Variants in STK33 observed in about 807,000 individuals in gnomAD.
The protein encoded by STK33 is serine/threonine-protein kinase 33.
In STK33, 52 loss-of-function variants were observed where a neutral mutation model predicts 58.0. That is an observed-to-expected ratio of 0.90 (90% confidence interval 0.72 to 1.13). STK33 has a LOEUF of 1.13. Among genes scored for constraint, STK33 ranks in the 50% most tolerant of loss-of-function variants. The pLI, the probability that STK33 is intolerant of heterozygous loss-of-function variation, is 0.00. For missense variants in STK33, 630 were observed against 604.2 expected, an observed-to-expected ratio of 1.04 and a Z score of -0.45; for synonymous variants, 215 against 200.1, an observed-to-expected ratio of 1.07 and a Z score of -0.63.
chr11:8,351,331 C>A, the STK33 span, among the ~76,000 whole-genome samples: 19 of 152,242 alleles, frequency 1.2e-4, no homozygotes, highest in African/African-American at 4.3e-4. Flanking sequence ...TGTCTCCCCA[C>A]CCTGCGAGCT....
chr11:8,491,581 G>A (rs1309398945), intron 1 of STK33, among the ~76,000 whole-genome samples: 4 of 152,146 alleles, frequency 2.6e-5, no homozygotes, highest in Non-Finnish European at 5.9e-5. Flanking sequence ...TCAAATTCAG[G>A]AAATACAGAG....
chr11:8,392,178 T>C lies in STK33; in HGVS notation c.*332A>G, dbSNP rs1241224043. ...CCCTATAAATAGCTGTGCCTAAACATAAGAATTTGAAGTAAAAATGAGCAA... is the reference window on the plus strand; with the variant it reads ...CCCTATAAATAGCTGTGCCTAAACACAAGAATTTGAAGTAAAAATGAGCAA... On this transcript the variant is annotated 3_prime_UTR_variant, in exon 16 of 16. Coordinates refer to ENST00000687296, the MANE Select transcript of STK33 (RefSeq NM_001352389.2). The C allele has an allele frequency of 1.7e-5, 5 of 288,158 alleles. No homozygotes were observed. Among genetic ancestry groups the C allele is most frequent in the African/African-American group, 8.7e-5 (4 of 46,118 alleles). The allele number at this position is 288,158 out of a possible 1,614,324, so 17.9% of individuals were successfully genotyped here. A position where few individuals can be genotyped will look rare whatever the true frequency, so the allele number is the denominator to read the frequency against.
intron 15 of STK33, 134 bp downstream of exon 15, chr11:8,413,361 A>C: frequency 1.1e-6 from 1 of 949,172 alleles, no homozygotes; most frequent in Non-Finnish European, 1.6e-6. Context: ...TAAGGCAGAA[A>C]GAACTTTACT....
intron 1 of STK33, among the ~76,000 whole-genome samples, chr11:8,531,688 AGCT>A (rs1364794373): frequency 1.3e-5 from 2 of 152,310 alleles, no homozygotes; most frequent in East Asian, 3.9e-4. Flanking sequence ...ACCGGGAAAA[AGCT>A]GCATAGCCTT....
intron 1 of STK33, among the ~76,000 whole-genome samples, chr11:8,531,598 C>G (rs1214975844): frequency 6.6e-6 from 1 of 152,202 alleles, no homozygotes; most frequent in East Asian, 1.9e-4. Flanking sequence ...AATGGGGATG[C>G]TCACATATGG....
the STK33 span, among the ~76,000 whole-genome samples, chr11:8,369,415 T>C: frequency 0.012 from 1,831 of 151,188 alleles, 35 homozygotes; most frequent in African/African-American, 0.041. Context: ...GAGGGGCTGA[T>C]GGGATCTTCA....
At chr11:8,518,457 A>G (rs1591588511) in intron 1 of STK33, among the ~76,000 whole-genome samples, 1 of 152,212 alleles carries the variant, frequency 6.6e-6, no homozygotes, top group East Asian at 1.9e-4. Context: ...TAACCAGCTA[A>G]CATCATAATG....
At chr11:8,530,917 C>T (rs1954485900) in intron 1 of STK33, among the ~76,000 whole-genome samples, 1 of 142,862 alleles carries the variant, frequency 7.0e-6, no homozygotes, top group South Asian at 2.5e-4. Flanking sequence ...TCTTGAGCTC[C>T]TGACCTCAGA....
intron 6 of STK33, among the ~76,000 whole-genome samples, chr11:8,469,409 A>C (rs1948558956): frequency 6.6e-6 from 1 of 152,232 alleles, no homozygotes; most frequent in Non-Finnish European, 1.5e-5. Flanking sequence ...GACTGCAAAA[A>C]GTCAGTCCCA....
chr11:8,471,451 T>C (rs923813338), intron 6 of STK33, among the ~76,000 whole-genome samples: 6 of 152,216 alleles, frequency 3.9e-5, no homozygotes, highest in Non-Finnish European at 8.8e-5. Flanking sequence ...TGACATAGTG[T>C]ACAGTGTGAA....
At chr11:8,489,629 T>C (rs2138593052) in intron 1 of STK33, among the ~76,000 whole-genome samples, 1 of 152,278 alleles carries the variant, frequency 6.6e-6, no homozygotes, top group South Asian at 2.1e-4. Context: ...AGCATTAATA[T>C]ATTCATGAGG....
intron 1 of STK33, among the ~76,000 whole-genome samples, chr11:8,494,752 G>T (rs1397586662): frequency 6.6e-6 from 1 of 152,142 alleles, no homozygotes; most frequent in Non-Finnish European, 1.5e-5. Context: ...CAGAGATATA[G>T]ATCAATGGAA....
intron 14 of STK33, among the ~76,000 whole-genome samples, chr11:8,426,558 G>A (rs1167514984): frequency 6.6e-6 from 1 of 152,212 alleles, no homozygotes; most frequent in Non-Finnish European, 1.5e-5. Flanking sequence ...AAAGTGCTGG[G>A]ATTATAGGCG....
intron 14 of STK33, among the ~76,000 whole-genome samples, chr11:8,421,739 G>A (rs1292702433): frequency 6.6e-6 from 1 of 151,976 alleles, no homozygotes; most frequent in African/African-American, 2.4e-5. Flanking sequence ...ATTCTTCAAT[G>A]TTTTTCAATA....
intron 1 of STK33, among the ~76,000 whole-genome samples, chr11:8,591,844 G>A (rs2032654826): frequency 6.6e-6 from 1 of 151,752 alleles, no homozygotes; most frequent in African/African-American, 2.4e-5. Context: ...GTGGGGTGGG[G>A]GGGAGTGGGG....
chr11:8,553,172 ATATATATATATATATATATATATATGGTG>A (rs1346767033), intron 1 of STK33, among the ~76,000 whole-genome samples: 5,213 of 45,100 alleles, frequency 0.12, 273 homozygotes, highest in Non-Finnish European at 0.13. Context: ...AATAAAATAT[ATATATATATATATATATATATATATGGTG>A]TATATATATA....
chr11:8,589,104 T>A (rs2032187413), intron 1 of STK33, among the ~76,000 whole-genome samples: 1 of 152,164 alleles, frequency 6.6e-6, no homozygotes, highest in South Asian at 2.1e-4. Flanking sequence ...GAAAACAATT[T>A]GACAGTTCCT....
intron 15 of STK33, among the ~76,000 whole-genome samples, chr11:8,405,617 A>C (rs1245189131): frequency 6.6e-6 from 1 of 152,168 alleles, no homozygotes; most frequent in East Asian, 1.9e-4. Context: ...CTATGTTCTA[A>C]GAATCTTTGA....
intron 11 of STK33, among the ~76,000 whole-genome samples, chr11:8,444,900 A>G (rs1201223394): frequency 6.6e-6 from 1 of 152,150 alleles, no homozygotes; most frequent in Non-Finnish European, 1.5e-5. Context: ...CATAAACTTT[A>G]AAGTAGTTTT....
Sources: allele counts gnomAD v4.1 joint callset (sites outside exome capture counted in the v4.1 genomes callset), GRCh38; gene constraint gnomAD v4.1.1; transcripts MANE v1.5; gene names NCBI Gene and HGNC (gene_info 2026-07-23, HGNC 2026-07-21).